C15orf40: variants seen among roughly 807,000 people sequenced by gnomAD.
C15orf40 encodes the protein chromosome 15 open reading frame 40.
In C15orf40, 9 loss-of-function variants were observed where a neutral mutation model predicts 13.9. The observed-to-expected ratio is 0.65, with a 90% CI of 0.39 to 1.13. The LOEUF (loss-of-function observed/expected upper bound fraction) is 1.13. Ranked by LOEUF, C15orf40 falls within the 50% of genes most tolerant of loss-of-function variation. The pLI is 0.01. For synonymous variants in C15orf40, 95 were observed against 69.2 expected, an observed-to-expected ratio of 1.37 and a Z score of -1.85; for missense variants, 225 against 188.5, an observed-to-expected ratio of 1.19 and a Z score of -1.13.
downstream of C15orf40, chr15:82,991,847 A>G: frequency 1.6e-6 from 2 of 1,261,640 alleles, no homozygotes; most frequent in Non-Finnish European, 2.1e-6. Context: ...AGGATTTGAT[A>G]CTACAGATAT....
chr15:83,006,340 G>A, intron 3 of C15orf40: 1 of 924,872 alleles, frequency 1.1e-6, no homozygotes, highest in Non-Finnish European at 1.3e-6. Flanking sequence ...TATAAACTTT[G>A]TAGTAAAATA....
chr15:82,990,707 G>C (rs2030820579), downstream of C15orf40: 2 of 1,424,038 alleles, frequency 1.4e-6, no homozygotes, highest in Non-Finnish European at 1.9e-6. Flanking sequence ...TCTGGTGGTG[G>C]TTGGGATAAG....
chr15:83,011,407 T>G, intron 1 of C15orf40, 90 bp downstream of exon 1: 8 of 1,380,256 alleles, frequency 5.8e-6, no homozygotes, highest in East Asian at 2.7e-5. Flanking sequence ...TGGCAGTGCC[T>G]CCACTCACTC....
chr15:83,009,541 C>T (rs2031882099), intron 2 of C15orf40, among the ~76,000 whole-genome samples: 1 of 152,162 alleles, frequency 6.6e-6, no homozygotes, highest in Non-Finnish European at 1.5e-5. Flanking sequence ...TGAAAAAGAC[C>T]TTCAAAAGAA....
chr15:83,006,230 CAA>C (rs56308538), intron 3 of C15orf40: 563 of 335,240 alleles, frequency 1.7e-3, no homozygotes, highest in South Asian at 2.1e-3. Flanking sequence ...GACTCCATCT[CAA>C]AAAAAAAAAA....
chr15:82,992,408 C>T (rs1017587183), downstream of C15orf40, among the ~76,000 whole-genome samples: 3 of 151,804 alleles, frequency 2.0e-5, no homozygotes, highest in Middle Eastern at 3.2e-3. Flanking sequence ...CCCAGTTACT[C>T]GGGAGACTGA....
chr15:83,011,282 A>T, intron 1 of C15orf40: 1 of 497,970 alleles, frequency 2.0e-6, no homozygotes, highest in Non-Finnish European at 3.4e-6. Flanking sequence ...CAGCGCTCAG[A>T]AATCACCAGG....
Position 82,999,925 on chromosome 15 carries a change from A to G in C15orf40, c.*5672T>C, listed in dbSNP as rs544153381. 2 of 152,340 alleles carry G rather than the reference A, an allele frequency of 1.3e-5. No homozygotes were observed. Among genetic ancestry groups the G allele is most frequent in the African/African-American group, 4.8e-5 (2 of 41,570 alleles). The allele number at this position is 152,340 out of a possible 1,614,324, so 9.4% of individuals were successfully genotyped here. Reference sequence around the variant, plus strand: ...TTGTCTGAGGAATGCCTATGTGGGTAGAAATAGGTGGTCTTCCTGCAACCT... The same window carrying G: ...TTGTCTGAGGAATGCCTATGTGGGTGGAAATAGGTGGTCTTCCTGCAACCT... On this transcript the variant is annotated 3_prime_UTR_variant, in exon 4 of 4. Transcript: ENST00000304177.
At chr15:82,992,942 C>T (rs2030923025), downstream of C15orf40, among the ~76,000 whole-genome samples, 1 of 152,084 alleles carries the variant, frequency 6.6e-6, no homozygotes, top group African/African-American at 2.4e-5. Flanking sequence ...ACAGTTTCTG[C>T]TTCATAAGAC....
chr15:83,011,323 CGACGGCAGCAGGCCGCAGCTCTGGGGGT>C, intron 1 of C15orf40, 146 bp downstream of exon 1: 1 of 647,812 alleles, frequency 1.5e-6, no homozygotes, highest in Non-Finnish European at 2.4e-6. Flanking sequence ...TGAGGCGGGG[CGACGGCAGCAGGCCGCAGCTCTGGGGGT>C]GGCGGCGGCT....
At chr15:82,992,249 C>T (rs931145325), downstream of C15orf40, among the ~76,000 whole-genome samples, 2 of 152,044 alleles carry the variant, frequency 1.3e-5, no homozygotes, top group African/African-American at 4.8e-5. Context: ...GGCACGGTGG[C>T]TCACAGTTGT....
downstream of C15orf40, chr15:82,990,854 T>TA: frequency 2.0e-6 from 1 of 501,666 alleles, no homozygotes; most frequent in South Asian, 3.5e-5. Flanking sequence ...TGATGGTTCT[T>TA]ACTTTTTTGG....
intron 1 of C15orf40, 55 bp from the exon 2 acceptor site, chr15:83,010,418 A>C: frequency 6.2e-7 from 1 of 1,603,412 alleles, no homozygotes; most frequent in Non-Finnish European, 8.5e-7. Flanking sequence ...CCACACATTT[A>C]ATTTGATTCT....
intron 3 of C15orf40, among the ~76,000 whole-genome samples, chr15:83,006,697 C>T (rs982487700): frequency 1.4e-4 from 22 of 152,240 alleles, no homozygotes; most frequent in African/African-American, 4.8e-4. Context: ...GGGCGCGGGG[C>T]GGATGTTGCA....
At position 83,001,171 on chromosome 15, in the gene C15orf40, C is replaced by T; in HGVS notation, c.*4426G>A. ...CTGGTTATTGCTGTCCCTCCCCTAA[C>T]CGAGAGGAAAGTGTGGAATGGCTCA... On this transcript the variant is annotated 3_prime_UTR_variant, in exon 4 of 4. Transcript: ENST00000304177. 1.0e-6 allele frequency: 1 copy of T among 985,446 alleles called. No homozygotes were observed. Among genetic ancestry groups the T allele is most frequent in the African/African-American group, 1.7e-5 (1 of 57,356 alleles). 61.0% of individuals were successfully genotyped at this position (985,446 alleles called of 1,614,324 possible). A position where few individuals can be genotyped will look rare whatever the true frequency, so the allele number is the denominator to read the frequency against.
At position 83,001,199 on chromosome 15, in the gene C15orf40, GA is replaced by G. The variant is rs2031402145; in HGVS notation, c.*4397del. 1.0e-6 allele frequency: 1 copy of G among 985,336 alleles called. No individual in the cohort carries two copies. Among genetic ancestry groups the G allele is most frequent in the African/African-American group, 1.7e-5 (1 of 57,240 alleles). The allele number at this position is 985,336 out of a possible 1,614,324, so 61.0% of individuals were successfully genotyped here. ...AGAGGAAAGTGTGGAATGGCTCACA[GA>G]AATCAGAAGTCTGAAATCTCTGCTC... On this transcript the variant is annotated 3_prime_UTR_variant, in exon 4 of 4. Coordinates refer to ENST00000304177, the MANE Select transcript of C15orf40 (RefSeq NM_144597.3).
chr15:83,000,796 TA>T lies in C15orf40; in HGVS notation c.*4800del, dbSNP rs1228248243. 1.3e-5 allele frequency: 2 copies of T among 152,282 alleles called. No individual in the cohort carries two copies. The highest frequency in any genetic ancestry group is 4.8e-5 in the African/African-American group (2 of 41,472). 9.4% of individuals were successfully genotyped at this position (152,282 alleles called of 1,614,324 possible). ...GCCCACAGCCCAGAGAGCTGCCTCCTAAAGTTTGAGCATTTAGGTATTTGGA... is the reference window on the plus strand; with the variant it reads ...GCCCACAGCCCAGAGAGCTGCCTCCTAAGTTTGAGCATTTAGGTATTTGGA... On this transcript the variant is annotated 3_prime_UTR_variant, in exon 4 of 4. Transcript: ENST00000304177.
rs1036784808 is a variant in C15orf40, at chr15:83,001,027, G to C, written c.*4570C>G. 2 of 705,130 alleles carry C rather than the reference G, an allele frequency of 2.8e-6. No homozygotes were observed. Among genetic ancestry groups the C allele is most frequent in the African/African-American group, 3.9e-5 (2 of 51,716 alleles). The allele number at this position is 705,130 out of a possible 1,614,324, so 43.7% of individuals were successfully genotyped here. ...AGGGTTTCGCCATATTGGTCAGGCT[G>C]GTCTTAAACTCCTGACTTCAAGTGA... is the stretch of plus-strand genomic sequence containing the variant. On this transcript the variant is annotated 3_prime_UTR_variant, in exon 4 of 4. Coordinates refer to ENST00000304177, the MANE Select transcript of C15orf40 (RefSeq NM_144597.3).
downstream of C15orf40, among the ~76,000 whole-genome samples, chr15:82,993,437 T>C (rs999042585): frequency 6.6e-6 from 1 of 152,226 alleles, no homozygotes; most frequent in African/African-American, 2.4e-5. Flanking sequence ...ATATGTGAAT[T>C]AGCAAAGGAA....
Sources: gnomAD v4.1 joint callset for allele counts (sites outside exome capture counted in the v4.1 genomes callset) on GRCh38, gnomAD v4.1.1 for gene constraint, MANE v1.5 for transcripts, NCBI Gene and HGNC (gene_info 2026-07-23, HGNC 2026-07-21) for gene names.